Variants in EIF3H observed in about 807,000 individuals in gnomAD.
The protein encoded by EIF3H is eIF-3-gamma.
In EIF3H, 26 loss-of-function variants were observed where a neutral mutation model predicts 44.2. The ratio of observed to expected loss-of-function variants is 0.59; its 90% CI spans 0.43 to 0.82. The LOEUF (loss-of-function observed/expected upper bound fraction) is 0.82, where lower values mean the gene tolerates loss of function less well. Ranked by LOEUF, EIF3H falls within the 40% of genes least tolerant of loss-of-function variation. EIF3H has a pLI of 0.00. For synonymous variants in EIF3H, 166 were observed against 151.9 expected (o/e 1.09, Z -0.68); for missense variants, 359 against 432.8 (o/e 0.83, Z 1.51).
intron 2 of EIF3H, among the ~76,000 whole-genome samples, chr8:116,678,139 G>A (rs1476185865): frequency 1.3e-5 from 2 of 149,346 alleles, no homozygotes; most frequent in African/African-American, 2.5e-5. Flanking sequence ...GCAGGCGCGC[G>A]CCGCCACGCC....
intron 7 of EIF3H, 62 bp downstream of exon 7, chr8:116,646,409 A>G (rs1300667668): frequency 1.2e-6 from 2 of 1,608,262 alleles, no homozygotes; most frequent in African/African-American, 1.3e-5. Context: ...TAAATTTCTC[A>G]CTGTCTTCTG....
At chr8:116,763,319 T>A (rs1387596106) in intron 1 of EIF3H, among the ~76,000 whole-genome samples, 1 of 152,336 alleles carries the variant, frequency 6.6e-6, no homozygotes, top group East Asian at 1.9e-4. Flanking sequence ...TATGTAAATA[T>A]GGAAACATTG....
chr8:116,755,950 A>T, upstream of EIF3H: 3 of 1,536,704 alleles, frequency 2.0e-6, no homozygotes, highest in Non-Finnish European at 2.6e-6. Flanking sequence ...TTCCAGTTTT[A>T]CCTTCTTTCC....
intron 1 of EIF3H, among the ~76,000 whole-genome samples, chr8:116,764,458 T>C (rs1815548150): frequency 1.3e-5 from 2 of 152,182 alleles, no homozygotes; most frequent in Admixed American, 1.3e-4. Flanking sequence ...AAACGATGCT[T>C]TATTACAAAA....
At chr8:116,747,211 C>T (rs948228363) in intron 1 of EIF3H, among the ~76,000 whole-genome samples, 1 of 152,064 alleles carries the variant, frequency 6.6e-6, no homozygotes, top group Admixed American at 6.5e-5. Context: ...TACAGGCATC[C>T]GCCATCATGC....
chr8:116,667,638 A>G (rs1813691744), intron 2 of EIF3H, among the ~76,000 whole-genome samples: 1 of 152,230 alleles, frequency 6.6e-6, no homozygotes, highest in Non-Finnish European at 1.5e-5. Context: ...AAGGAGAACA[A>G]ATGATCACTT....
At chr8:116,651,921 C>G (rs996549234) in intron 5 of EIF3H, among the ~76,000 whole-genome samples, 3 of 152,102 alleles carry the variant, frequency 2.0e-5, no homozygotes, top group Non-Finnish European at 4.4e-5. Context: ...ATCTAATTTG[C>G]ATTTAGCAAG....
chr8:116,725,495 T>C (rs1408835986), intron 2 of EIF3H, among the ~76,000 whole-genome samples: 2 of 152,244 alleles, frequency 1.3e-5, no homozygotes, highest in East Asian at 1.9e-4. Context: ...AAAAATCTTC[T>C]AGATGCTGAT....
chr8:116,664,321 G>A (rs909090875), intron 2 of EIF3H, among the ~76,000 whole-genome samples: 5 of 152,048 alleles, frequency 3.3e-5, no homozygotes, highest in East Asian at 3.8e-4. Context: ...TTGTTTTACT[G>A]TCACATATGA....
At chr8:116,759,380 AAAAT>A (rs1815491780), upstream of EIF3H, among the ~76,000 whole-genome samples, 1 of 152,190 alleles carries the variant, frequency 6.6e-6, no homozygotes, top group Non-Finnish European at 1.5e-5. Context: ...GAGCAAATAA[AAAAT>A]AAACAGTCTA....
At chr8:116,712,867 T>C (rs1270968005) in intron 2 of EIF3H, among the ~76,000 whole-genome samples, 1 of 152,152 alleles carries the variant, frequency 6.6e-6, no homozygotes, top group East Asian at 1.9e-4. Flanking sequence ...TAATTATCGA[T>C]CTGTAAAACA....
At chr8:116,672,566 G>T (rs1325820953) in intron 2 of EIF3H, among the ~76,000 whole-genome samples, 2 of 151,912 alleles carry the variant, frequency 1.3e-5, no homozygotes, top group Non-Finnish European at 1.5e-5. Context: ...GTAGTTTGAG[G>T]CTGCAGTGAG....
intron 1 of EIF3H, among the ~76,000 whole-genome samples, chr8:116,739,097 G>A (rs772344496): frequency 1.3e-5 from 2 of 152,208 alleles, no homozygotes; most frequent in African/African-American, 4.8e-5. Context: ...ACTGGAATAA[G>A]AGCAAGGAAC....
Position 116,648,912 on chromosome 8 carries a change from T to C in EIF3H, c.722A>G (p.Lys241Arg). 6.2e-7 allele frequency: 1 copy of C among 1,611,020 alleles called. No homozygotes were observed. The highest frequency in any genetic ancestry group is 8.5e-7 in the Non-Finnish European group (1 of 1,178,776). Residue 241 changes from lysine (K) to arginine (R), a missense_variant, in exon 6 of 8, where the codon AAG becomes AGG. By Grantham distance (26) the Lys-to-Arg change is conservative. Coordinates refer to ENST00000521861, the MANE Select transcript of EIF3H (RefSeq NM_003756.3). Reference protein sequence around the residue: ...LSLASSNHLGKNLQLLMDRVD... With the variant: ...LSLASSNHLGRNLQLLMDRVD... ...TCTGTCCATCAGCAACTGTAGATTC[T>C]TCCCCAAATGATTGCTGAAATGTAA... is the stretch of plus-strand genomic sequence containing the variant.
chr8:116,720,655 A>G (rs1473261642), intron 2 of EIF3H, among the ~76,000 whole-genome samples: 1 of 152,192 alleles, frequency 6.6e-6, no homozygotes, highest in East Asian at 1.9e-4. Context: ...AAACTGTAGG[A>G]AAGTTTGGAA....
At chr8:116,674,849 C>T (rs574532546) in intron 2 of EIF3H, among the ~76,000 whole-genome samples, 1 of 152,228 alleles carries the variant, frequency 6.6e-6, no homozygotes, top group African/African-American at 2.4e-5. Context: ...CATAGATTAA[C>T]AGATGCATCC....
Position 116,646,372 on chromosome 8 carries a change from AGCTT to A in EIF3H, c.961+95_961+98del. 4.5e-6 allele frequency: 7 copies of A among 1,545,182 alleles called. No individual in the cohort carries two copies. The Admixed American group carries it at 1.2e-4, about 26-fold the overall frequency. On this transcript the variant is annotated intron_variant, in intron 7 of 7. Transcript: ENST00000521861. ...ATCCTGCAACTATTTCAAACATACT[AGCTT>A]TTACGGCATGCTTTTCTGTTTGTAA... is the stretch of plus-strand genomic sequence containing the variant.
intron 2 of EIF3H, among the ~76,000 whole-genome samples, chr8:116,693,318 A>G (rs897883510): frequency 2.0e-5 from 3 of 152,250 alleles, no homozygotes; most frequent in Non-Finnish European, 1.5e-5. Flanking sequence ...TTAGCTCAAC[A>G]GAGTGAGCTC....
intron 1 of EIF3H, among the ~76,000 whole-genome samples, chr8:116,747,138 C>T (rs930313032): frequency 2.0e-5 from 3 of 151,832 alleles, no homozygotes; most frequent in African/African-American, 7.3e-5. Flanking sequence ...TCTCGGCTCA[C>T]TGCAACCTCT....
Sources: gnomAD v4.1 joint callset for allele counts (sites outside exome capture counted in the v4.1 genomes callset) on GRCh38, gnomAD v4.1.1 for gene constraint, MANE v1.5 for transcripts, NCBI Gene and HGNC (gene_info 2026-07-23, HGNC 2026-07-21) for gene names.